The following RUVBL1 variants were observed in gnomAD, a reference collection of about 807,000 sequenced individuals.
RUVBL1 encodes the protein RuvB like AAA ATPase 1.
Under a neutral mutation model 52.4 loss-of-function variants are expected in RUVBL1, and 4 were observed. The ratio of observed to expected loss-of-function variants is 0.08; its 90% CI spans 0.04 to 0.17. The LOEUF (loss-of-function observed/expected upper bound fraction) is 0.17. Among genes scored for constraint, RUVBL1 ranks in the 10% least tolerant of loss-of-function variants. The probability of loss-of-function intolerance (pLI) is 1.00; values close to 1 mark genes in which losing one functional copy is unlikely to be tolerated. For missense variants in RUVBL1, 298 were observed against 572.8 expected (o/e 0.52, Z 4.90); for synonymous variants, 217 against 214.4 (o/e 1.01, Z -0.10).
intron 4 of RUVBL1, among the ~76,000 whole-genome samples, chr3:128,102,906 G>A (rs1401642537): frequency 6.6e-6 from 1 of 152,190 alleles, no homozygotes; most frequent in African/African-American, 2.4e-5. Context: ...TAGCTGGGTG[G>A]GGACGGCAGA....
intron 8 of RUVBL1, among the ~76,000 whole-genome samples, chr3:128,095,075 C>T (rs1024950181): frequency 2.0e-5 from 3 of 152,232 alleles, no homozygotes; most frequent in African/African-American, 7.2e-5. Context: ...CCTCTAGCAG[C>T]CCTTGATCAA....
At chr3:128,066,331 C>CA (rs1210016978) in intron 9 of RUVBL1, among the ~76,000 whole-genome samples, 1 of 152,074 alleles carries the variant, frequency 6.6e-6, no homozygotes, top group Non-Finnish European at 1.5e-5. Flanking sequence ...GGCTTTTCTC[C>CA]ATATTCCACA....
chr3:128,085,277 G>C (rs1315497950), intron 9 of RUVBL1: 2 of 151,916 alleles, frequency 1.3e-5, no homozygotes, highest in Admixed American at 1.3e-4. Flanking sequence ...GAAGGTGAAG[G>C]CTCGGTGAGA....
At chr3:128,084,495 G>A (rs1263020384) in intron 9 of RUVBL1, 1 of 152,198 alleles carries the variant, frequency 6.6e-6, no homozygotes, top group African/African-American at 2.4e-5. Context: ...ATTGAATCCT[G>A]GAGCCTGGTC....
At chr3:128,069,702 C>T (rs371677667) in intron 9 of RUVBL1, 9 of 1,587,718 alleles carry the variant, frequency 5.7e-6, no homozygotes, top group Non-Finnish European at 6.9e-6. Context: ...GCTCCAGAAG[C>T]GCCTCGGAAG....
At position 128,085,476 on chromosome 3, in the gene RUVBL1, C is replaced by T. The variant is rs1318704601; in HGVS notation, c.1119+2230G>A. 2.6e-5 allele frequency among the ~76,000 whole-genome samples: 4 copies of T among 152,216 alleles called. No individual in the cohort carries two copies. The East Asian group carries it at 7.7e-4, about 29-fold the overall frequency. On this transcript the variant is annotated intron_variant, in intron 9 of 10. Transcript: ENST00000322623. ...GACTGTTTCTGCTTCTGCCTCCGTTCAGTGAATGCCTTGGCTTCAACCTGG... is the reference window on the plus strand; with the variant it reads ...GACTGTTTCTGCTTCTGCCTCCGTTTAGTGAATGCCTTGGCTTCAACCTGG...
chr3:128,142,239 G>C (rs1944035704), intron 1 of RUVBL1, among the ~76,000 whole-genome samples: 1 of 152,218 alleles, frequency 6.6e-6, no homozygotes, highest in Non-Finnish European at 1.5e-5. Context: ...CATGGGTCCT[G>C]TCTGGAGCAC....
At chr3:128,101,083 T>C (rs1943098865) in intron 5 of RUVBL1, among the ~76,000 whole-genome samples, 1 of 152,214 alleles carries the variant, frequency 6.6e-6, no homozygotes. Context: ...GGATGATTTA[T>C]TGTATGATAT....
At chr3:128,104,707 C>A in intron 4 of RUVBL1, 66 bp downstream of exon 4, 3 of 1,441,882 alleles carry the variant, frequency 2.1e-6, no homozygotes, top group Non-Finnish European at 1.9e-6. Flanking sequence ...AGAGGTTACA[C>A]CACCTGCCCA....
At chr3:128,095,648 G>A (rs1942951589) in intron 8 of RUVBL1, among the ~76,000 whole-genome samples, 1 of 152,228 alleles carries the variant, frequency 6.6e-6, no homozygotes, top group South Asian at 2.1e-4. Context: ...ACCGCCTGAG[G>A]GGGAAGGGCT....
In RUVBL1 at chr3:128,082,429, C is replaced by T. The variant is rs750006391; in HGVS notation, c.1211+54G>A. ...CCTTTATTGTCCAGAATGACCCCAG[C>T]GAGGGCCCTGGCTGTGCTGGGGAGG... is the stretch of plus-strand genomic sequence containing the variant. On this transcript the variant is annotated intron_variant, in intron 10 of 10. Coordinates refer to ENST00000322623, the MANE Select transcript of RUVBL1 (RefSeq NM_003707.3). This position sits in a 1 kb window ranked among gnomAD's most constrained non-coding sequence, Gnocchi z 4.7. 31 of 1,347,054 alleles carry T rather than the reference C, an allele frequency of 2.3e-5. No individual in the cohort carries two copies. The highest frequency in any genetic ancestry group is 1.2e-4 in the Admixed American group (7 of 59,472). 83.4% of individuals were successfully genotyped at this position (1,347,054 alleles called of 1,614,324 possible).
intron 9 of RUVBL1, among the ~76,000 whole-genome samples, chr3:128,074,354 G>C (rs1942247729): frequency 6.7e-6 from 1 of 148,966 alleles, no homozygotes; most frequent in Admixed American, 6.7e-5. Context: ...TGAAATTCTA[G>C]AGCAGGAAAA....
At chr3:128,144,956 G>A (rs772041796) in intron 1 of RUVBL1, among the ~76,000 whole-genome samples, 2 of 152,136 alleles carry the variant, frequency 1.3e-5, no homozygotes, top group Admixed American at 6.6e-5. Context: ...CTTGGTTTGG[G>A]GACTTTGTGG....
At position 128,153,443 on chromosome 3, in the gene RUVBL1, AC is replaced by A; in HGVS notation, c.-281del. 6 of 1,430,622 alleles carry A rather than the reference AC, an allele frequency of 4.2e-6. No homozygotes were observed. In the South Asian group the frequency reaches 7.4e-5, roughly 18 times the overall value. The allele number at this position is 1,430,622 out of a possible 1,614,324, so 88.6% of individuals were successfully genotyped here. On this transcript the variant is annotated 5_prime_UTR_variant, in exon 1 of 10. Coordinates refer to the RUVBL1 transcript ENST00000464873. ...ACGGGGGGGCAACTTAACGGGCCGG[AC>A]CGCGGCGACTACCGAGGGAGGTGAG... is the stretch of plus-strand genomic sequence containing the variant.
At chr3:128,095,599 T>G (rs1942950232) in intron 8 of RUVBL1, among the ~76,000 whole-genome samples, 1 of 152,230 alleles carries the variant, frequency 6.6e-6, no homozygotes. Flanking sequence ...CCACATGGAC[T>G]TGAATCACGC....
chr3:128,144,558 T>G lies in RUVBL1; in HGVS notation c.-40+8645A>C, dbSNP rs1026168049. ...TCTGTTGCAGAGGAGGATGTCTTCG[T>G]GGGCTAGAGGTTTGGTGGTGAGTGC... On this transcript the variant is annotated intron_variant, in intron 1 of 9. Transcript: ENST00000464873. Among the ~76,000 whole-genome samples, 3 of 152,284 alleles carry G rather than the reference T, an allele frequency of 2.0e-5. No individual in the cohort carries two copies. In the East Asian group the frequency reaches 5.8e-4, roughly 29 times the overall value.
chr3:128,153,585 G>T, exon 1 of RUVBL1: 36 of 1,569,224 alleles, frequency 2.3e-5, no homozygotes, highest in Non-Finnish European at 3.1e-5. Flanking sequence ...TGGCGCGGGC[G>T]CTAAGCACCA....
In RUVBL1 at chr3:128,151,122, ATATATATTCTATATATATTC is replaced by A. The variant is rs1436189800; in HGVS notation, c.-40+2061_-40+2080del. On this transcript the variant is annotated intron_variant, in intron 1 of 9. Transcript: ENST00000464873. ...TCTATATATATTCTGTATATATTCTATATATATTCTATATATATTCTATATATTCTATATATATTCTATAT... is the reference window on the plus strand; with the variant it reads ...TCTATATATATTCTGTATATATTCTATATATATTCTATATATATTCTATAT... 2.7e-4 allele frequency among the ~76,000 whole-genome samples: 32 copies of A among 119,838 alleles called. No homozygotes were observed. In the East Asian group the frequency reaches 5.3e-3, roughly 20 times the overall value. The allele number at this position is 119,838 out of a possible 152,430, so 78.6% of individuals were successfully genotyped here.
rs534284522 is a variant in RUVBL1 at position 128,150,524 on chromosome 3, A to G, written c.-40+2679T>C. ...GTATGTTCCATTGTATGGAATATAC[A>G]TCCATATGTATATATGTATGTTCCA... On this transcript the variant is annotated intron_variant, in intron 1 of 9. Transcript: ENST00000464873. Among the ~76,000 whole-genome samples, 403 of 146,726 alleles carry G rather than the reference A, an allele frequency of 2.7e-3. 3 individuals are homozygous for G. The highest frequency in any genetic ancestry group is 3.3e-3 in the Non-Finnish European group (224 of 67,118).
Sources: allele counts gnomAD v4.1 joint callset (sites outside exome capture counted in the v4.1 genomes callset), GRCh38; gene constraint gnomAD v4.1.1; non-coding constraint Gnocchi (gnomAD v3.1); transcripts MANE v1.5; gene names NCBI Gene and HGNC (gene_info 2026-07-23, HGNC 2026-07-21).